Variants in ACOXL observed in about 807,000 individuals in gnomAD.
ACOXL encodes acyl-coenzyme A oxidase-like protein.
ACOXL carries 70 observed loss-of-function variants against 71.9 expected under a neutral mutation model. The observed-to-expected ratio is 0.97, with a 90% CI of 0.80 to 1.19. ACOXL has a LOEUF of 1.19. Among genes scored for constraint, ACOXL ranks in the 50% most tolerant of loss-of-function variants. The pLI is 0.00. For missense variants in ACOXL, 703 were observed against 736.3 expected (o/e 0.95, Z 0.52); for synonymous variants, 253 against 281.6 (o/e 0.90, Z 1.02).
chr2:110,827,769 G>T (rs1296966622), intron 9 of ACOXL, among the ~76,000 whole-genome samples: 1 of 152,076 alleles, frequency 6.6e-6, no homozygotes, highest in Non-Finnish European at 1.5e-5. Context: ...GATGAGGGGA[G>T]GAGAGGAGGG....
chr2:110,733,847 C>T (rs1676501895), intron 1 of ACOXL, among the ~76,000 whole-genome samples: 1 of 152,192 alleles, frequency 6.6e-6, no homozygotes, highest in Non-Finnish European at 1.5e-5. Context: ...AAGTGTGGTA[C>T]AGGGAGCCCT....
intron 2 of ACOXL, among the ~76,000 whole-genome samples, chr2:110,768,725 G>A (rs577387500): frequency 2.6e-5 from 4 of 152,142 alleles, no homozygotes; most frequent in South Asian, 4.1e-4. Context: ...CAAGTAGGCC[G>A]CCGCGCCTAT....
chr2:111,051,007 G>A (rs1356839058), intron 16 of ACOXL, among the ~76,000 whole-genome samples: 2 of 152,174 alleles, frequency 1.3e-5, no homozygotes, highest in East Asian at 1.9e-4. Context: ...TGGAATTTGC[G>A]TGACCTCCAG....
At chr2:110,924,277 T>C (rs1247221084) in intron 11 of ACOXL, among the ~76,000 whole-genome samples, 1 of 152,214 alleles carries the variant, frequency 6.6e-6, no homozygotes, top group Non-Finnish European at 1.5e-5. Flanking sequence ...TGGTAATTGC[T>C]GAAGGTTAGG....
intron 17 of ACOXL, chr2:111,114,081 A>G (rs2070170131): frequency 6.6e-6 from 1 of 152,658 alleles, no homozygotes; most frequent in South Asian, 2.1e-4. Context: ...AACCGGTGAT[A>G]ATGACTGATA....
chr2:111,116,090 T>C lies in ACOXL; in HGVS notation c.1543-1526T>C, dbSNP rs72948318. ...TAATGCAAACCCAAAGGGAAAATTA[T>C]CTTGAATAATCATATGACAATATGT... On this transcript the variant is annotated intron_variant, in intron 17 of 17. Coordinates refer to ENST00000439055, the MANE Select transcript of ACOXL (RefSeq NM_001142807.4). Among the ~76,000 whole-genome samples, 500 of 152,310 alleles carry C rather than the reference T, an allele frequency of 3.3e-3. 4 individuals are homozygous for C. Among genetic ancestry groups the C allele is most frequent in the African/African-American group, 0.011 (476 of 41,566 alleles).
In ACOXL at chr2:110,803,499, C is replaced by G. The variant is rs546482918; in HGVS notation, c.621-1764C>G. On this transcript the variant is annotated intron_variant, in intron 8 of 17. Transcript: ENST00000439055. Reference sequence around the variant, plus strand: ...AAGCATGAAGTTGGACCTTTACTGCCTACCATATACAAAAATCAACTCAAA... The same window carrying G: ...AAGCATGAAGTTGGACCTTTACTGCGTACCATATACAAAAATCAACTCAAA... Among the ~76,000 whole-genome samples the G allele has an allele frequency of 4.6e-5, 7 of 152,012 alleles. No individual in the cohort carries two copies. The South Asian group carries it at 1.5e-3, about 32-fold the overall frequency.
chr2:111,035,232 C>G (rs2065457755), intron 15 of ACOXL, among the ~76,000 whole-genome samples: 1 of 152,158 alleles, frequency 6.6e-6, no homozygotes, highest in Non-Finnish European at 1.5e-5. Flanking sequence ...TTATTAGGAA[C>G]AAATGGAAAA....
At chr2:111,109,998 A>G (rs1471592582) in intron 17 of ACOXL, among the ~76,000 whole-genome samples, 1 of 152,040 alleles carries the variant, frequency 6.6e-6, no homozygotes, top group Admixed American at 6.5e-5. Flanking sequence ...AAATTCTTGA[A>G]CACATTTATA....
chr2:110,847,587 C>T (rs1692074780), intron 10 of ACOXL, among the ~76,000 whole-genome samples: 1 of 152,212 alleles, frequency 6.6e-6, no homozygotes, highest in South Asian at 2.1e-4. Context: ...AGTTGTGACT[C>T]TTAAGCAAAG....
rs756607183 is a variant in ACOXL at position 110,793,730 on chromosome 2, A to T, written c.240A>T (p.Pro80=). Residue 80 remains proline (P), a synonymous_variant, in exon 4 of 18, where the codon CCA becomes CCT. Coordinates refer to ENST00000439055, the MANE Select transcript of ACOXL (RefSeq NM_001142807.4). The part of the protein sequence containing the change: ...SPEHVTKWFQ[P]LQEQKYTGMF... ...AACATGTTACTAAGTGGTTTCAGCC[A>T]CTCCAGGTATGGTATTTTCCTCAAC... is the stretch of plus-strand genomic sequence containing the variant. The T allele has an allele frequency of 9.9e-6, 16 of 1,613,382 alleles. No homozygotes were observed. The highest frequency in any genetic ancestry group is 1.4e-5 in the Non-Finnish European group (16 of 1,179,570).
chr2:111,104,702 T>G (rs1219828388), intron 17 of ACOXL, among the ~76,000 whole-genome samples: 2 of 152,184 alleles, frequency 1.3e-5, no homozygotes, highest in Non-Finnish European at 2.9e-5. Flanking sequence ...TTTAAACTGT[T>G]TATATGTTCT....
At chr2:110,942,437 G>A (rs969123324) in intron 12 of ACOXL, among the ~76,000 whole-genome samples, 17 of 152,152 alleles carry the variant, frequency 1.1e-4, no homozygotes, top group African/African-American at 3.1e-4. Flanking sequence ...AGACAAAGTC[G>A]ATTTCAGAGC....
Position 110,824,462 on chromosome 2 carries a change from T to G in ACOXL, c.754-16909T>G, listed in dbSNP as rs563553268. The stretch of plus-strand genomic sequence containing the variant: ...ACCTTAACAACCTCGAATCCTCTAA[T>G]TCATTGATATGGAATACCTTTTCAT... On this transcript the variant is annotated intron_variant, in intron 9 of 17. Transcript: ENST00000439055. Among the ~76,000 whole-genome samples, 4 of 152,314 alleles carry G rather than the reference T, an allele frequency of 2.6e-5. 1 individual carries two copies. In the South Asian group the frequency reaches 8.3e-4, roughly 32 times the overall value.
intron 16 of ACOXL, among the ~76,000 whole-genome samples, chr2:111,080,143 AT>A (rs1211141132): frequency 6.6e-6 from 1 of 151,950 alleles, no homozygotes; most frequent in Non-Finnish European, 1.5e-5. Context: ...CTAGCAATCT[AT>A]TTTGTTAATC....
At chr2:110,893,585 T>TAC (rs1468410942) in intron 10 of ACOXL, among the ~76,000 whole-genome samples, 24 of 152,192 alleles carry the variant, frequency 1.6e-4, no homozygotes, top group African/African-American at 5.1e-4. Context: ...CATGTTTTGA[T>TAC]ACAGTAATAG....
Position 110,810,892 on chromosome 2 carries a change from G to T in ACOXL, c.753+5497G>T, listed in dbSNP as rs1208351970. ...CCTTAGGAAACTTACAGTCATGGCA[G>T]AAGGGAAGCAAACACGTCCTTCTCC... On this transcript the variant is annotated intron_variant, in intron 9 of 17. Coordinates refer to ENST00000439055, the MANE Select transcript of ACOXL (RefSeq NM_001142807.4). Among the ~76,000 whole-genome samples, 3 of 152,222 alleles carry T rather than the reference G, an allele frequency of 2.0e-5. No individual in the cohort carries two copies. The East Asian group carries it at 5.8e-4, about 29-fold the overall frequency.
intron 11 of ACOXL, among the ~76,000 whole-genome samples, chr2:110,927,450 C>G (rs1023828186): frequency 6.6e-6 from 1 of 152,192 alleles, no homozygotes; most frequent in African/African-American, 2.4e-5. Flanking sequence ...GCCTCCACAC[C>G]TGTCCTGTGC....
At chr2:110,843,984 G>C (rs970017173) in intron 10 of ACOXL, among the ~76,000 whole-genome samples, 8 of 152,238 alleles carry the variant, frequency 5.3e-5, no homozygotes, top group African/African-American at 1.9e-4. Flanking sequence ...TTGGGATCTG[G>C]GGACCAGGGA....
Sources: allele counts gnomAD v4.1 joint callset (sites outside exome capture counted in the v4.1 genomes callset), GRCh38; gene constraint gnomAD v4.1.1; transcripts MANE v1.5; gene names NCBI Gene and HGNC (gene_info 2026-07-23, HGNC 2026-07-21).